OR2L13: variants seen among roughly 807,000 people sequenced by gnomAD.
OR2L13 encodes olfactory receptor 2L13.
A neutral mutation model predicts 15.3 loss-of-function variants in OR2L13; 14 were observed. That is an observed-to-expected ratio of 0.91 (90% CI 0.60 to 1.43). The LOEUF is 1.43. Among genes scored for constraint, OR2L13 ranks in the 40% most tolerant of loss-of-function variants. OR2L13 has a pLI of 0.00. For missense variants in OR2L13, 367 were observed against 387.9 expected (o/e 0.95, Z 0.45); for synonymous variants, 152 against 142.9 (o/e 1.06, Z -0.45).
the OR2L13 span, chr1:248,084,388 T>A: frequency 1.2e-6 from 2 of 1,613,278 alleles, no homozygotes; most frequent in Non-Finnish European, 1.7e-6. Context: ...GAAACCAGCA[T>A]CACGTCCATG....
At chr1:248,011,041 T>C in the OR2L13 span, among the ~76,000 whole-genome samples, 1 of 152,140 alleles carries the variant, frequency 6.6e-6, no homozygotes, top group Admixed American at 6.5e-5. Flanking sequence ...AGTTTCTTCA[T>C]AGTGTCGATG....
At chr1:248,046,589 G>A in the OR2L13 span, among the ~76,000 whole-genome samples, 1 of 152,076 alleles carries the variant, frequency 6.6e-6, no homozygotes, top group Non-Finnish European at 1.5e-5. Flanking sequence ...CTGAACCTTG[G>A]ACTAAGGCCA....
the OR2L13 span, among the ~76,000 whole-genome samples, chr1:247,938,575 C>G: frequency 1.6e-3 from 240 of 151,996 alleles, 1 homozygote; most frequent in Non-Finnish European, 2.7e-3. Flanking sequence ...CATTTTTTTC[C>G]TGTTGGGGAT....
At chr1:248,041,991 C>T in the OR2L13 span, 1 of 152,166 alleles carries the variant, frequency 6.6e-6, no homozygotes, top group Non-Finnish European at 1.5e-5. Flanking sequence ...TTGACCCAAC[C>T]ATCCCATTAC....
At chr1:248,046,537 G>C in the OR2L13 span, among the ~76,000 whole-genome samples, 1 of 152,120 alleles carries the variant, frequency 6.6e-6, no homozygotes, top group African/African-American at 2.4e-5. Context: ...GTTTACCCTT[G>C]ACATGCCTTG....
At chr1:247,999,301 A>G in the OR2L13 span, among the ~76,000 whole-genome samples, 11 of 152,172 alleles carry the variant, frequency 7.2e-5, no homozygotes, top group East Asian at 5.8e-4. Flanking sequence ...CAAAGGATAT[A>G]CTTTCATAAT....
the OR2L13 span, among the ~76,000 whole-genome samples, chr1:247,974,276 G>T: frequency 1.3e-5 from 2 of 151,984 alleles, no homozygotes; most frequent in South Asian, 4.2e-4. Context: ...TTTGTGGGGG[G>T]GCCAAGAGGA....
chr1:247,972,033 G>A, the OR2L13 span, among the ~76,000 whole-genome samples: 12 of 152,076 alleles, frequency 7.9e-5, no homozygotes, highest in Admixed American at 2.6e-4. Flanking sequence ...GGTAAATAAC[G>A]AAATTAAGGC....
At chr1:247,976,699 T>C in the OR2L13 span, among the ~76,000 whole-genome samples, 1 of 152,188 alleles carries the variant, frequency 6.6e-6, no homozygotes, top group African/African-American at 2.4e-5. Context: ...AATTAAAATA[T>C]ATTTTGATGA....
the OR2L13 span, chr1:248,038,287 C>T: frequency 6.2e-7 from 1 of 1,609,616 alleles, no homozygotes; most frequent in Non-Finnish European, 8.5e-7. Context: ...TACAATCAAA[C>T]ATCAACTGAT....
At chr1:247,954,395 C>A in the OR2L13 span, among the ~76,000 whole-genome samples, 1 of 152,108 alleles carries the variant, frequency 6.6e-6, no homozygotes, top group South Asian at 2.1e-4. Context: ...GTCAATTTGA[C>A]ATTTGGGACT....
At chr1:248,054,106 CT>C in the OR2L13 span, among the ~76,000 whole-genome samples, 10 of 152,148 alleles carry the variant, frequency 6.6e-5, 1 homozygote, top group African/African-American at 1.9e-4. Context: ...ACATTTCAGT[CT>C]TTAATCCATC....
the OR2L13 span, among the ~76,000 whole-genome samples, chr1:247,971,205 GT>G: frequency 2.1e-4 from 32 of 152,130 alleles, no homozygotes; most frequent in Admixed American, 5.9e-4. Flanking sequence ...CCTGGAGACT[GT>G]TTTTTTACTT....
the OR2L13 span, among the ~76,000 whole-genome samples, chr1:247,997,642 A>G: frequency 2.0e-5 from 3 of 152,198 alleles, no homozygotes; most frequent in African/African-American, 7.2e-5. Flanking sequence ...ATAGAGTTTC[A>G]TGAAGTTTAG....
At chr1:247,992,335 A>G in the OR2L13 span, among the ~76,000 whole-genome samples, 709 of 152,360 alleles carry the variant, frequency 4.7e-3, 4 homozygotes, top group Middle Eastern at 0.014. Flanking sequence ...TGTCAACAGT[A>G]GGCTATCATT....
At chr1:247,945,796 C>T in the OR2L13 span, among the ~76,000 whole-genome samples, 4 of 152,044 alleles carry the variant, frequency 2.6e-5, no homozygotes, top group Non-Finnish European at 4.4e-5. Flanking sequence ...AAGTCTATTT[C>T]GTCAGAAACT....
At chr1:248,032,775 T>C in the OR2L13 span, among the ~76,000 whole-genome samples, 3 of 152,234 alleles carry the variant, frequency 2.0e-5, no homozygotes, top group Admixed American at 2.0e-4. Flanking sequence ...AAGTTGTCTC[T>C]GCCTTTGGGG....
the OR2L13 span, chr1:248,022,071 C>G: frequency 6.2e-7 from 1 of 1,613,938 alleles, no homozygotes; most frequent in Non-Finnish European, 8.5e-7. Context: ...AATTGGAAAC[C>G]TATCCATGAT....
the OR2L13 span, among the ~76,000 whole-genome samples, chr1:247,946,878 GAA>G: frequency 5.9e-5 from 9 of 152,164 alleles, no homozygotes; most frequent in East Asian, 1.7e-3. Context: ...TATTGCATTT[GAA>G]CATGATAGTT....
Sources: gnomAD v4.1 joint callset for allele counts (sites outside exome capture counted in the v4.1 genomes callset) on GRCh38, gnomAD v4.1.1 for gene constraint, MANE v1.5 for transcripts, NCBI Gene and HGNC (gene_info 2026-07-23, HGNC 2026-07-21) for gene names.